Variants in BNC2 observed in about 807,000 individuals in gnomAD.
BNC2 encodes zinc finger protein basonuclin-2.
Under a neutral mutation model 76.3 loss-of-function variants are expected in BNC2, and 20 were observed. The observed-to-expected ratio is 0.26, with a 90% confidence interval of 0.18 to 0.38. The LOEUF (loss-of-function observed/expected upper bound fraction) is 0.38, where lower values mean the gene tolerates loss of function less well. Ranked by LOEUF, BNC2 falls within the 10% of genes least tolerant of loss-of-function variation. BNC2 has a pLI of 1.00. For synonymous variants in BNC2, 582 were observed against 514.8 expected, an observed-to-expected ratio of 1.13 and a Z score of -1.77; for missense variants, 1,382 against 1,399.8, an observed-to-expected ratio of 0.99 and a Z score of 0.20.
chr9:16,427,363 A>C (rs754242658), intron 6 of BNC2, among the ~76,000 whole-genome samples: 2 of 152,178 alleles, frequency 1.3e-5, no homozygotes, highest in Non-Finnish European at 2.9e-5. Context: ...AATGTGGATG[A>C]TTACTGATAT....
intron 3 of BNC2, among the ~76,000 whole-genome samples, chr9:16,680,131 A>C (rs939977654): frequency 1.3e-5 from 2 of 152,206 alleles, no homozygotes; most frequent in African/African-American, 4.8e-5. Flanking sequence ...CTTTCAATAG[A>C]AACATACAAC....
At chr9:16,541,408 G>T (rs957043369) in intron 5 of BNC2, among the ~76,000 whole-genome samples, 4 of 152,110 alleles carry the variant, frequency 2.6e-5, no homozygotes, top group Admixed American at 6.5e-5. Flanking sequence ...TCAAAATCTG[G>T]CACAAGCCCA....
intron 5 of BNC2, among the ~76,000 whole-genome samples, chr9:16,497,831 T>C (rs942005167): frequency 9.9e-5 from 15 of 152,116 alleles, no homozygotes; most frequent in African/African-American, 3.6e-4. Flanking sequence ...TAGCCAGTCA[T>C]ATCTGTGAAC....
intron 5 of BNC2, among the ~76,000 whole-genome samples, chr9:16,521,922 A>G (rs1416684780): frequency 1.3e-5 from 2 of 152,178 alleles, no homozygotes; most frequent in African/African-American, 4.8e-5. Flanking sequence ...AAAATTAAAA[A>G]GCTCCCTTCC....
chr9:16,794,555 T>C (rs370463637), intron 1 of BNC2, among the ~76,000 whole-genome samples: 3 of 152,174 alleles, frequency 2.0e-5, no homozygotes, highest in African/African-American at 7.2e-5. Flanking sequence ...AGATGCACTA[T>C]AGTCATTATC....
rs891822698 is a variant in BNC2, at chr9:16,518,597, GTTGT to G, written c.669+33929_669+33932del. Among the ~76,000 whole-genome samples, 37 of 116,714 alleles carry G rather than the reference GTTGT, an allele frequency of 3.2e-4. No individual in the cohort carries two copies. In the South Asian group the frequency reaches 4.7e-3, roughly 15 times the overall value. 76.6% of individuals were successfully genotyped at this position (116,714 alleles called of 152,430 possible). A position where few individuals can be genotyped will look rare whatever the true frequency, so the allele number is the denominator to read the frequency against. On this transcript the variant is annotated intron_variant, in intron 5 of 6. Transcript: ENST00000380672. ...ATATATATTTTTTGTTGTTGTTGTT[GTTGT>G]TTGTTTGTTTTTTGTTTTTTGTTTT...
intron 3 of BNC2, among the ~76,000 whole-genome samples, chr9:16,699,888 T>C (rs1384624769): frequency 1.3e-5 from 2 of 152,246 alleles, no homozygotes; most frequent in Non-Finnish European, 2.9e-5. Context: ...TGTAAATTTA[T>C]CTGGTGAGAA....
chr9:16,664,704 CAAAAAAAACA>C (rs1231288203), intron 3 of BNC2, among the ~76,000 whole-genome samples: 3 of 147,708 alleles, frequency 2.0e-5, no homozygotes, highest in South Asian at 4.3e-4. Flanking sequence ...AAAACAAAAA[CAAAAAAAACA>C]AAAAAAAACA....
At chr9:16,864,911 A>G (rs921702128) in intron 1 of BNC2, among the ~76,000 whole-genome samples, 2 of 152,056 alleles carry the variant, frequency 1.3e-5, no homozygotes, top group East Asian at 1.9e-4. Context: ...GGTAATCCAC[A>G]GACACTGAGC....
intron 5 of BNC2, among the ~76,000 whole-genome samples, chr9:16,460,613 A>T (rs1232849638): frequency 6.6e-6 from 1 of 152,108 alleles, no homozygotes; most frequent in Non-Finnish European, 1.5e-5. Context: ...ACAGGGTGAG[A>T]TTCTATCAAA....
chr9:16,709,566 C>G (rs1823774306), intron 3 of BNC2, among the ~76,000 whole-genome samples: 1 of 152,176 alleles, frequency 6.6e-6, no homozygotes, highest in Admixed American at 6.5e-5. Flanking sequence ...GCCAGCCCAG[C>G]ATTCAGGAGC....
chr9:16,468,083 C>CAGGCTGG (rs1427198976), intron 5 of BNC2, among the ~76,000 whole-genome samples: 1 of 148,988 alleles, frequency 6.7e-6, no homozygotes, highest in Non-Finnish European at 1.5e-5. Context: ...ACCTGTCACC[C>CAGGCTGG]AGGCTGGAGT....
Position 16,414,958 on chromosome 9 carries a change from T to C in BNC2, c.*4031A>G, listed in dbSNP as rs1032792777. ...TTTTCCTTAGAGCAATGTATAATAA[T>C]GGGGCTGTTAACCAGTTAAGTGCCT... On this transcript the variant is annotated 3_prime_UTR_variant, in exon 7 of 7. Coordinates refer to ENST00000380672, the MANE Select transcript of BNC2 (RefSeq NM_017637.6). 14 of 149,174 alleles carry C rather than the reference T, an allele frequency of 9.4e-5. No individual in the cohort carries two copies. The highest frequency in any genetic ancestry group is 3.0e-4 in the African/African-American group (12 of 40,132). The allele number at this position is 149,174 out of a possible 1,614,324, so 9.2% of individuals were successfully genotyped here. A position where few individuals can be genotyped will look rare whatever the true frequency, so the allele number is the denominator to read the frequency against.
intron 3 of BNC2, among the ~76,000 whole-genome samples, chr9:16,608,458 T>C (rs1820445181): frequency 6.6e-6 from 1 of 152,148 alleles, no homozygotes; most frequent in South Asian, 2.1e-4. Flanking sequence ...AAAAGTTTAT[T>C]ATGATTATTA....
chr9:16,737,238 C>CTTTT (rs559930240), intron 2 of BNC2, among the ~76,000 whole-genome samples: 1 of 91,310 alleles, frequency 1.1e-5, no homozygotes. Flanking sequence ...CACACCTGGC[C>CTTTT]TTTTTTTTTT....
chr9:16,768,446 G>C (rs1011174165), intron 1 of BNC2, among the ~76,000 whole-genome samples: 1 of 152,202 alleles, frequency 6.6e-6, no homozygotes, highest in African/African-American at 2.4e-5. Context: ...AATGGCAACA[G>C]AGACATTTAA....
intron 5 of BNC2, among the ~76,000 whole-genome samples, chr9:16,481,016 T>C (rs892404011): frequency 2.6e-5 from 4 of 152,172 alleles, no homozygotes; most frequent in Non-Finnish European, 5.9e-5. Context: ...AGCTCAGGGA[T>C]TGTAAATACA....
chr9:16,862,088 T>G (rs998560531), intron 1 of BNC2, among the ~76,000 whole-genome samples: 16 of 152,068 alleles, frequency 1.1e-4, no homozygotes, highest in Non-Finnish European at 1.9e-4. Context: ...ATGCTGCAGT[T>G]GCGTTGGAAA....
At chr9:16,512,755 T>A (rs538655174) in intron 5 of BNC2, among the ~76,000 whole-genome samples, 2 of 152,210 alleles carry the variant, frequency 1.3e-5, no homozygotes, top group Non-Finnish European at 1.5e-5. Context: ...AAAACAATCA[T>A]CTCAACCATC....
Sources: allele counts gnomAD v4.1 joint callset (sites outside exome capture counted in the v4.1 genomes callset), GRCh38; gene constraint gnomAD v4.1.1; transcripts MANE v1.5; gene names NCBI Gene and HGNC (gene_info 2026-07-23, HGNC 2026-07-21).